DOCK1: variants seen among roughly 807,000 people sequenced by gnomAD.
DOCK1 encodes dedicator of cytokinesis 1, also known as dedicator of cytokinesis protein 1.
Under a neutral mutation model 262.7 loss-of-function variants are expected in DOCK1, and 138 were observed. That is an observed-to-expected ratio of 0.53 (90% CI 0.46 to 0.61). The LOEUF (loss-of-function observed/expected upper bound fraction) is 0.61. Among genes scored for constraint, DOCK1 ranks in the 20% least tolerant of loss-of-function variants. The probability of loss-of-function intolerance (pLI) is 0.00; values close to 1 mark genes in which losing one functional copy is unlikely to be tolerated. For missense variants in DOCK1, 1,908 were observed against 2,370.7 expected (o/e 0.80, Z 4.05); for synonymous variants, 866 against 867.4 (o/e 1.00, Z 0.03).
chr10:127,055,655 A>T (rs1163811255), intron 22 of DOCK1, among the ~76,000 whole-genome samples: 1 of 152,172 alleles, frequency 6.6e-6, no homozygotes, highest in Non-Finnish European at 1.5e-5. Context: ...TCCCTAACTC[A>T]TTCTGGGTTA....
intron 1 of DOCK1, among the ~76,000 whole-genome samples, chr10:126,958,871 A>G (rs888874922): frequency 1.3e-5 from 2 of 152,344 alleles, no homozygotes; most frequent in Non-Finnish European, 2.9e-5. Context: ...TGAGCCAAAT[A>G]TGAGTGACCA....
intron 27 of DOCK1, among the ~76,000 whole-genome samples, chr10:127,132,041 C>T (rs2050357525): frequency 6.6e-6 from 1 of 152,154 alleles, no homozygotes; most frequent in Non-Finnish European, 1.5e-5. Flanking sequence ...GGCCTCTTTC[C>T]ATCGGAATAA....
intron 27 of DOCK1, among the ~76,000 whole-genome samples, chr10:127,216,885 T>A (rs1380827409): frequency 1.3e-5 from 2 of 152,174 alleles, no homozygotes; most frequent in Non-Finnish European, 2.9e-5. Flanking sequence ...GACTTTTTCT[T>A]TTTGTGGTGA....
intron 23 of DOCK1, among the ~76,000 whole-genome samples, chr10:127,080,403 T>A (rs1270586077): frequency 6.6e-6 from 1 of 152,170 alleles, no homozygotes. Flanking sequence ...CACTGACCTG[T>A]CCCCTCCCAT....
intron 23 of DOCK1, among the ~76,000 whole-genome samples, chr10:127,098,747 C>T (rs967946461): frequency 5.3e-5 from 8 of 152,148 alleles, no homozygotes; most frequent in South Asian, 4.1e-4. Context: ...AGGTGTCTTT[C>T]GGCAGATAAG....
intron 6 of DOCK1, 107 bp downstream of exon 6, chr10:126,990,710 T>A: frequency 1.5e-6 from 2 of 1,353,008 alleles, no homozygotes; most frequent in South Asian, 1.6e-5. Context: ...ACAAAATTTC[T>A]ACCATCAAAG....
At position 127,378,531 on chromosome 10, in the gene DOCK1, G is replaced by A. The variant is rs531531572; in HGVS notation, c.3676-1551G>A. Among the ~76,000 whole-genome samples, 15 of 152,270 alleles carry A rather than the reference G, an allele frequency of 9.9e-5. No homozygotes were observed. The East Asian group carries it at 1.5e-3, about 16-fold the overall frequency. On this transcript the variant is annotated intron_variant, in intron 35 of 51. Coordinates refer to ENST00000623213, the MANE Select transcript of DOCK1 (RefSeq NM_001290223.2). ...TTGGGATTGGAGATGAGTGTACTTC[G>A]GTTGTGGAGAGGTTTTGAAGTCCTA...
rs374466546 is a variant in DOCK1, at chr10:127,273,829, C to T, written c.3044+16400C>T. The stretch of plus-strand genomic sequence containing the variant: ...CCTGGGTCGCAGAGGTTGCAGTGAG[C>T]GGAGATTGCGCCGCTGCACTCCAGC... On this transcript the variant is annotated intron_variant, in intron 29 of 51. Coordinates refer to ENST00000623213, the MANE Select transcript of DOCK1 (RefSeq NM_001290223.2). Among the ~76,000 whole-genome samples the T allele has an allele frequency of 3.3e-5, 5 of 149,414 alleles. No homozygotes were observed. The East Asian group carries it at 5.9e-4, about 18-fold the overall frequency.
Position 127,037,702 on chromosome 10 carries a change from T to C in DOCK1, c.1913-17T>C, listed in dbSNP as rs1377168431. On this transcript the variant is annotated splice_polypyrimidine_tract_variant and intron_variant, in intron 18 of 51. Coordinates refer to ENST00000623213, the MANE Select transcript of DOCK1 (RefSeq NM_001290223.2). The stretch of plus-strand genomic sequence containing the variant: ...TTTCTTGCTTGTGAAGATCTGATTG[T>C]CATTTTCTGTTTCCAGTGGACCTTC... 1.3e-6 allele frequency: 2 copies of C among 1,565,698 alleles called. No homozygotes were observed. Among genetic ancestry groups the C allele is most frequent in the Non-Finnish European group, 1.7e-6 (2 of 1,154,842 alleles).
intron 35 of DOCK1, among the ~76,000 whole-genome samples, chr10:127,376,046 T>C (rs2134057004): frequency 6.6e-6 from 1 of 152,246 alleles, no homozygotes; most frequent in Admixed American, 6.5e-5. Flanking sequence ...ATTAGTACAA[T>C]GCACGCTAAA....
intron 23 of DOCK1, among the ~76,000 whole-genome samples, chr10:127,073,908 TGGAAAG>T (rs1293079612): frequency 6.6e-6 from 1 of 152,136 alleles, no homozygotes; most frequent in African/African-American, 2.4e-5. Flanking sequence ...GCTGAGGTGA[TGGAAAG>T]GGTAGTTAAA....
chr10:127,294,120 C>T (rs1161919685), intron 29 of DOCK1, among the ~76,000 whole-genome samples: 1 of 152,178 alleles, frequency 6.6e-6, no homozygotes, highest in Non-Finnish European at 1.5e-5. Context: ...CCCCTCAACT[C>T]ATTTTGTGTT....
chr10:127,121,226 C>CTTTT (rs35938133), intron 25 of DOCK1, among the ~76,000 whole-genome samples: 1 of 136,146 alleles, frequency 7.3e-6, no homozygotes. Flanking sequence ...ACCCCTCCTC[C>CTTTT]TTTTTTTTTT....
chr10:127,427,705 A>G (rs1056289913), intron 47 of DOCK1, among the ~76,000 whole-genome samples: 34 of 152,260 alleles, frequency 2.2e-4, no homozygotes, highest in African/African-American at 7.9e-4. Flanking sequence ...TCTTTCCCAC[A>G]TGGTAGGAAA....
At chr10:127,403,010 A>G in intron 38 of DOCK1, 45 bp from the exon 39 acceptor site, 3 of 1,544,394 alleles carry the variant, frequency 1.9e-6, no homozygotes, top group East Asian at 2.3e-5. Context: ...TCTTTGCACA[A>G]TTCAGGCCTC....
intron 22 of DOCK1, among the ~76,000 whole-genome samples, chr10:127,060,535 T>C (rs902268413): frequency 2.0e-5 from 3 of 152,252 alleles, no homozygotes; most frequent in African/African-American, 7.2e-5. Flanking sequence ...GTATCGTATA[T>C]TTTTAATTAG....
intron 1 of DOCK1, among the ~76,000 whole-genome samples, chr10:126,940,135 G>A (rs1231850883): frequency 1.3e-5 from 2 of 152,196 alleles, no homozygotes; most frequent in South Asian, 4.1e-4. Context: ...TTTCTTTGTA[G>A]TCTCAGTAAT....
At chr10:126,936,121 C>T (rs1272185027) in intron 1 of DOCK1, among the ~76,000 whole-genome samples, 7 of 152,308 alleles carry the variant, frequency 4.6e-5, no homozygotes, top group African/African-American at 1.4e-4. Context: ...ATTGGGACTA[C>T]AGGTGCACAC....
intron 31 of DOCK1, among the ~76,000 whole-genome samples, chr10:127,348,594 A>G (rs1036218814): frequency 5.9e-5 from 9 of 151,960 alleles, no homozygotes; most frequent in Admixed American, 5.9e-4. Context: ...ACCATCCACA[A>G]AGACCTCCCC....
Sources: gnomAD v4.1 joint callset for allele counts (sites outside exome capture counted in the v4.1 genomes callset) on GRCh38, gnomAD v4.1.1 for gene constraint, MANE v1.5 for transcripts, NCBI Gene and HGNC (gene_info 2026-07-23, HGNC 2026-07-21) for gene names.